Variants in CNTNAP5 observed in about 807,000 individuals in gnomAD.
The protein encoded by CNTNAP5 is contactin-associated protein-like 5.
A neutral mutation model predicts 150.2 loss-of-function variants in CNTNAP5; 72 were observed. The ratio of observed to expected loss-of-function variants is 0.48; its 90% CI spans 0.40 to 0.58. CNTNAP5 has a LOEUF of 0.58. CNTNAP5 is among the 20% of genes least tolerant of loss of function. The pLI, the probability that CNTNAP5 is intolerant of heterozygous loss-of-function variation, is 0.00. For missense variants in CNTNAP5, 1,636 were observed against 1,626.2 expected, an observed-to-expected ratio of 1.01 and a Z score of -0.10; for synonymous variants, 672 against 619.8, an observed-to-expected ratio of 1.08 and a Z score of -1.25.
chr2:124,026,049 G>A (rs1230838701), intron 1 of CNTNAP5, among the ~76,000 whole-genome samples: 2 of 152,170 alleles, frequency 1.3e-5, no homozygotes, highest in Non-Finnish European at 2.9e-5. Context: ...TTCCGGAGAA[G>A]GGCCCCTGGT....
intron 1 of CNTNAP5, among the ~76,000 whole-genome samples, chr2:124,095,273 T>C (rs1358127614): frequency 2.0e-5 from 3 of 152,108 alleles, no homozygotes; most frequent in Non-Finnish European, 2.9e-5. Context: ...ATGTTCTCAG[T>C]CATAAGCGGG....
Position 124,707,155 on chromosome 2 carries a change from A to AGAAGAG in CNTNAP5, c.2078-40069_2078-40068insGGAAGA, listed in dbSNP as rs1558743804. On this transcript the variant is annotated intron_variant, in intron 13 of 23. Transcript: ENST00000682447. ...AAGAAGAAGAGGAAGAAGAAGAAGA[A>AGAAGAG]GAAGAAGAAGAAGAAGAAGAAGAAG... Among the ~76,000 whole-genome samples, 368 of 91,996 alleles carry AGAAGAG rather than the reference A, an allele frequency of 4.0e-3. 16 individuals are homozygous for AGAAGAG. The highest frequency in any genetic ancestry group is 0.012 in the African/African-American group (357 of 28,900). The allele number at this position is 91,996 out of a possible 152,430, so 60.4% of individuals were successfully genotyped here.
chr2:124,105,921 G>A (rs577378409), intron 1 of CNTNAP5, among the ~76,000 whole-genome samples: 1 of 152,120 alleles, frequency 6.6e-6, no homozygotes, highest in African/African-American at 2.4e-5. Flanking sequence ...TCACCTATTA[G>A]TCTACGGAGG....
chr2:124,693,506 G>T (rs921349453), intron 13 of CNTNAP5, among the ~76,000 whole-genome samples: 5 of 152,090 alleles, frequency 3.3e-5, no homozygotes, highest in Admixed American at 1.3e-4. Flanking sequence ...GGGATAGAGG[G>T]CTAGGCTGAG....
intron 3 of CNTNAP5, among the ~76,000 whole-genome samples, chr2:124,366,537 G>A (rs1690376386): frequency 6.6e-6 from 1 of 152,178 alleles, no homozygotes; most frequent in Non-Finnish European, 1.5e-5. Context: ...CCAAGTCTGT[G>A]TCCTCAGGAA....
At chr2:124,352,186 A>G (rs1573934634) in intron 3 of CNTNAP5, among the ~76,000 whole-genome samples, 2 of 141,994 alleles carry the variant, frequency 1.4e-5, no homozygotes, top group Admixed American at 1.3e-4. Flanking sequence ...ATCTAAAATA[A>G]ACATTATTTG....
chr2:124,129,318 C>G (rs561238570), intron 1 of CNTNAP5, among the ~76,000 whole-genome samples: 1 of 152,150 alleles, frequency 6.6e-6, no homozygotes, highest in Non-Finnish European at 1.5e-5. Flanking sequence ...CTTTTAAAGA[C>G]AGTTCTCTAA....
At chr2:124,372,315 G>T (rs894009065) in intron 3 of CNTNAP5, among the ~76,000 whole-genome samples, 1 of 151,972 alleles carries the variant, frequency 6.6e-6, no homozygotes, top group Non-Finnish European at 1.5e-5. Context: ...TTGGACTTGG[G>T]CTGAGCATGC....
chr2:124,630,673 A>T (rs969774421), intron 12 of CNTNAP5, among the ~76,000 whole-genome samples: 12 of 152,192 alleles, frequency 7.9e-5, no homozygotes, highest in African/African-American at 2.9e-4. Context: ...CAAGACAAGG[A>T]TGTTCTTCCT....
chr2:124,721,708 T>C (rs985507295), intron 13 of CNTNAP5, among the ~76,000 whole-genome samples: 16 of 152,170 alleles, frequency 1.1e-4, no homozygotes, highest in African/African-American at 3.9e-4. Context: ...ATGGTTTTCC[T>C]TCAAAGTGTT....
intron 21 of CNTNAP5, among the ~76,000 whole-genome samples, chr2:124,877,443 G>T (rs188581775): frequency 1.3e-5 from 2 of 152,154 alleles, no homozygotes; most frequent in Admixed American, 6.6e-5. Flanking sequence ...TCACGGATTT[G>T]CCAGACATTA....
chr2:124,660,043 A>AAGGAAGG (rs1558724333), intron 13 of CNTNAP5, among the ~76,000 whole-genome samples: 18 of 130,838 alleles, frequency 1.4e-4, no homozygotes, highest in African/African-American at 3.3e-4. Flanking sequence ...AGGAAGGAAG[A>AAGGAAGG]AAGGAAGGAA....
At chr2:124,655,966 A>T (rs1329772187) in intron 13 of CNTNAP5, among the ~76,000 whole-genome samples, 1 of 145,526 alleles carries the variant, frequency 6.9e-6, no homozygotes, top group Non-Finnish European at 1.5e-5. Flanking sequence ...AAAGAAAGAA[A>T]GAAAGAAAGA....
intron 3 of CNTNAP5, among the ~76,000 whole-genome samples, chr2:124,344,236 C>A (rs1408540463): frequency 2.0e-5 from 3 of 152,072 alleles, no homozygotes; most frequent in Non-Finnish European, 4.4e-5. Flanking sequence ...ACAAAAAATG[C>A]AATCATATCA....
chr2:124,060,632 G>A (rs1481351022), intron 1 of CNTNAP5, among the ~76,000 whole-genome samples: 1 of 152,174 alleles, frequency 6.6e-6, no homozygotes, highest in African/African-American at 2.4e-5. Context: ...CATTGGGCAG[G>A]CTTTAGTTTG....
rs367714012 is a variant in CNTNAP5, at chr2:124,830,432, C to G, written c.3217+32112C>G. On this transcript the variant is annotated intron_variant, in intron 19 of 23. Transcript: ENST00000682447. ...CTACTAAAAACATAAAGAAAAACCT[C>G]CCATAGTGTCATTGCCTTTTTTTAT... Among the ~76,000 whole-genome samples, 43 of 152,132 alleles carry G rather than the reference C, an allele frequency of 2.8e-4. 1 individual carries two copies. Among genetic ancestry groups the G allele is most frequent in the Middle Eastern group, 3.4e-3 (1 of 294 alleles).
intron 18 of CNTNAP5, among the ~76,000 whole-genome samples, chr2:124,791,693 CTTTTTTTT>C (rs538796535): frequency 2.6e-5 from 3 of 115,390 alleles, no homozygotes; most frequent in Non-Finnish European, 3.7e-5. Context: ...AGCCTAATTT[CTTTTTTTT>C]TTTTTTTTTT....
At position 124,865,415 on chromosome 2, in the gene CNTNAP5, G is replaced by A. The variant is rs1202603938; in HGVS notation, c.3327G>A (p.Glu1109=). The A allele has an allele frequency of 1.3e-6, 2 of 1,551,880 alleles. No individual in the cohort carries two copies. Among genetic ancestry groups the A allele is most frequent in the South Asian group, 1.2e-5 (1 of 84,074 alleles). The change falls in exon 20 of 24, where the codon GAG becomes GAA. Residue 1109 remains glutamate, a synonymous_variant. Transcript: ENST00000682447. The stretch of plus-strand genomic sequence containing the variant: ...TGCACCACTTGAAGATTAACCGAGA[G>A]GGAAGAGAGCTTACCATTCAGGTAC... ...RRMHHLKINR[E]GRELTIQMDQ... is the part of the protein sequence containing the mutation.
At chr2:124,390,263 A>T (rs1447433853) in intron 3 of CNTNAP5, among the ~76,000 whole-genome samples, 1 of 152,172 alleles carries the variant, frequency 6.6e-6, no homozygotes, top group Non-Finnish European at 1.5e-5. Context: ...TTGATTTCTC[A>T]TCTGCATCTT....
Sources: gnomAD v4.1 joint callset for allele counts (sites outside exome capture counted in the v4.1 genomes callset) on GRCh38, gnomAD v4.1.1 for gene constraint, MANE v1.5 for transcripts, NCBI Gene and HGNC (gene_info 2026-07-23, HGNC 2026-07-21) for gene names.